Variants in POU6F2 observed in about 807,000 individuals in gnomAD.
The protein encoded by POU6F2 is POU domain, class 6, transcription factor 2.
POU6F2 carries 31 observed loss-of-function variants against 71.3 expected under a neutral mutation model. The observed-to-expected ratio is 0.43, with a 90% CI of 0.33 to 0.59. The LOEUF (loss-of-function observed/expected upper bound fraction) is 0.59. Ranked by LOEUF, POU6F2 falls within the 20% of genes least tolerant of loss-of-function variation. POU6F2 has a pLI of 0.04. For synonymous variants in POU6F2, 347 were observed against 355.7 expected, an observed-to-expected ratio of 0.98 and a Z score of 0.27; for missense variants, 783 against 856.8, an observed-to-expected ratio of 0.91 and a Z score of 1.07.
In POU6F2 at chr7:39,179,551, G is replaced by A. The variant is rs150008643; in HGVS notation, c.278-24684G>A. On this transcript the variant is annotated intron_variant, in intron 2 of 9. Coordinates refer to ENST00000518318, the MANE Select transcript of POU6F2 (RefSeq NM_001370959.1). ...CATGCGCGCACACACACACACACAC[G>A]CACACAGTCTACAGAACTGATCTTT... Among the ~76,000 whole-genome samples, 279 of 151,622 alleles carry A rather than the reference G, an allele frequency of 1.8e-3. 1 individual carries two copies. Among genetic ancestry groups the A allele is most frequent in the African/African-American group, 6.5e-3 (268 of 41,420 alleles).
chr7:39,036,701 A>G (rs1190726175), intron 1 of POU6F2, among the ~76,000 whole-genome samples: 1 of 152,006 alleles, frequency 6.6e-6, no homozygotes, highest in Admixed American at 6.6e-5. Context: ...TACTCCAAGA[A>G]GGAATACCCA....
At chr7:39,163,607 C>T (rs1301768460) in intron 2 of POU6F2, among the ~76,000 whole-genome samples, 1 of 152,182 alleles carries the variant, frequency 6.6e-6, no homozygotes, top group African/African-American at 2.4e-5. Context: ...AAATAAACCT[C>T]TCTTGGTTTC....
intron 1 of POU6F2, among the ~76,000 whole-genome samples, chr7:38,978,423 T>C (rs554053115): frequency 1.3e-5 from 2 of 152,324 alleles, no homozygotes; most frequent in African/African-American, 4.8e-5. Flanking sequence ...TCCTAGGTAG[T>C]AGTTAATATT....
intron 1 of POU6F2, among the ~76,000 whole-genome samples, chr7:39,066,778 G>C (rs991221952): frequency 6.7e-6 from 1 of 150,266 alleles, no homozygotes; most frequent in African/African-American, 2.4e-5. Context: ...GGGAAATAAA[G>C]AGCTGAGAAT....
intron 4 of POU6F2, among the ~76,000 whole-genome samples, chr7:39,289,335 C>T (rs1423513198): frequency 6.6e-6 from 1 of 152,244 alleles, no homozygotes; most frequent in Non-Finnish European, 1.5e-5. Context: ...TGAAACCACC[C>T]ACCACGTGAC....
chr7:39,367,271 A>C (rs1276039391), intron 5 of POU6F2, among the ~76,000 whole-genome samples: 2 of 152,240 alleles, frequency 1.3e-5, no homozygotes, highest in African/African-American at 2.4e-5. Flanking sequence ...TTAAACGTTC[A>C]AATATACAAT....
chr7:39,104,370 G>C (rs1791633457), intron 2 of POU6F2, among the ~76,000 whole-genome samples: 1 of 152,202 alleles, frequency 6.6e-6, no homozygotes, highest in Non-Finnish European at 1.5e-5. Flanking sequence ...GGCAGGTTTT[G>C]GGTGGAGGGC....
intron 2 of POU6F2, among the ~76,000 whole-genome samples, chr7:39,164,099 C>T (rs191463962): frequency 6.6e-6 from 1 of 152,016 alleles, no homozygotes; most frequent in East Asian, 1.9e-4. Context: ...TTTAAGAGCT[C>T]TTACCACAAA....
intron 4 of POU6F2, among the ~76,000 whole-genome samples, chr7:39,252,992 T>G (rs561959344): frequency 6.6e-6 from 1 of 152,236 alleles, no homozygotes; most frequent in Non-Finnish European, 1.5e-5. Flanking sequence ...GGGCCATGAC[T>G]GTGTGTGGTC....
chr7:39,279,343 A>G (rs1356525203), intron 4 of POU6F2, among the ~76,000 whole-genome samples: 2 of 152,338 alleles, frequency 1.3e-5, no homozygotes, highest in East Asian at 1.9e-4. Context: ...CATGCTGCTC[A>G]TATGACTTTT....
chr7:38,994,073 C>T (rs776018019), intron 1 of POU6F2, among the ~76,000 whole-genome samples: 14 of 152,110 alleles, frequency 9.2e-5, no homozygotes, highest in Non-Finnish European at 1.9e-4. Flanking sequence ...TTGTTATTCT[C>T]AATTTTCCTA....
chr7:39,392,028 A>G (rs747140792), intron 5 of POU6F2, among the ~76,000 whole-genome samples: 4 of 152,210 alleles, frequency 2.6e-5, no homozygotes, highest in Non-Finnish European at 4.4e-5. Context: ...GAAACTTGCT[A>G]AAGCCTTGAC....
intron 4 of POU6F2, among the ~76,000 whole-genome samples, chr7:39,299,406 A>G (rs1784911866): frequency 1.3e-5 from 2 of 152,132 alleles, no homozygotes; most frequent in East Asian, 3.9e-4. Context: ...TAGAGAGGGA[A>G]CTCAAATAAT....
chr7:39,254,870 C>A (rs1783990459), intron 4 of POU6F2, among the ~76,000 whole-genome samples: 2 of 152,176 alleles, frequency 1.3e-5, no homozygotes, highest in Admixed American at 1.3e-4. Context: ...CAGTTTAGGG[C>A]CGCAGCAGCA....
chr7:38,996,035 C>CTTTTTTTTTTTTTTT (rs5883669), intron 1 of POU6F2, among the ~76,000 whole-genome samples: 13 of 85,368 alleles, frequency 1.5e-4, no homozygotes, highest in East Asian at 4.8e-4. Flanking sequence ...AGGGGCTTGG[C>CTTTTTTTTTTTTTTT]TTTTTTTTTT....
chr7:39,233,196 C>T (rs1794608694), intron 4 of POU6F2, among the ~76,000 whole-genome samples: 1 of 151,464 alleles, frequency 6.6e-6, no homozygotes, highest in African/African-American at 2.4e-5. Flanking sequence ...ATACAGAGGT[C>T]ATAGTTTAGT....
At chr7:39,405,157 G>A (rs1787395954) in intron 5 of POU6F2, among the ~76,000 whole-genome samples, 1 of 152,112 alleles carries the variant, frequency 6.6e-6, no homozygotes, top group South Asian at 2.1e-4. Flanking sequence ...AGTTATAAAT[G>A]AATAAAGAAA....
intron 1 of POU6F2, among the ~76,000 whole-genome samples, chr7:39,085,288 A>G (rs912009681): frequency 6.6e-6 from 1 of 152,172 alleles, no homozygotes; most frequent in South Asian, 2.1e-4. Context: ...TAGAATTTAC[A>G]TAAGAAATAT....
intron 4 of POU6F2, among the ~76,000 whole-genome samples, chr7:39,257,363 T>C (rs937764012): frequency 1.0e-4 from 15 of 145,876 alleles, no homozygotes; most frequent in Admixed American, 3.5e-4. Flanking sequence ...TTATTTAATA[T>C]GCCTTAGATA....
Sources: gnomAD v4.1 joint callset for allele counts (sites outside exome capture counted in the v4.1 genomes callset) on GRCh38, gnomAD v4.1.1 for gene constraint, MANE v1.5 for transcripts, NCBI Gene and HGNC (gene_info 2026-07-23, HGNC 2026-07-21) for gene names.